UNC13C: variants seen among roughly 807,000 people sequenced by gnomAD.
UNC13C encodes the protein unc-13 homolog C, also known as protein unc-13 homolog C.
In UNC13C, 174 loss-of-function variants were observed where a neutral mutation model predicts 245.4. The observed-to-expected ratio is 0.71, with a 90% CI of 0.63 to 0.80. UNC13C has a LOEUF of 0.80. Among genes scored for constraint, UNC13C ranks in the 30% least tolerant of loss-of-function variants. The pLI is 0.00. For missense variants in UNC13C, 2,829 were observed against 2,602.9 expected, an observed-to-expected ratio of 1.09 and a Z score of -1.89; for synonymous variants, 992 against 895.1, an observed-to-expected ratio of 1.11 and a Z score of -1.93.
intron 2 of UNC13C, among the ~76,000 whole-genome samples, chr15:54,036,072 C>T (rs1896567967): frequency 6.6e-6 from 1 of 152,030 alleles, no homozygotes; most frequent in Non-Finnish European, 1.5e-5. Context: ...AGAGAATGAC[C>T]CCTTCCTTTC....
chr15:54,392,641 G>A (rs368620706), intron 17 of UNC13C, among the ~76,000 whole-genome samples: 11 of 151,310 alleles, frequency 7.3e-5, no homozygotes, highest in Non-Finnish European at 8.9e-5. Flanking sequence ...ATACACACAC[G>A]CACACACAAA....
intron 4 of UNC13C, among the ~76,000 whole-genome samples, chr15:54,226,933 C>G (rs530920283): frequency 6.6e-6 from 1 of 152,132 alleles, no homozygotes; most frequent in African/African-American, 2.4e-5. Context: ...AGGGCAGCAG[C>G]TCTTCTCCTT....
intron 1 of UNC13C, among the ~76,000 whole-genome samples, chr15:53,993,229 T>C (rs958895024): frequency 1.1e-4 from 17 of 152,132 alleles, no homozygotes; most frequent in African/African-American, 4.1e-4. Flanking sequence ...TGAGCTGCAA[T>C]GCATTTGCAA....
intron 30 of UNC13C, among the ~76,000 whole-genome samples, chr15:54,606,448 G>C (rs1456223603): frequency 6.6e-6 from 1 of 152,086 alleles, no homozygotes; most frequent in Non-Finnish European, 1.5e-5. Flanking sequence ...GGTTTCTTAG[G>C]GGAACCTAGG....
intron 2 of UNC13C, among the ~76,000 whole-genome samples, chr15:54,051,565 A>G (rs1315552040): frequency 1.3e-5 from 2 of 152,018 alleles, no homozygotes; most frequent in Non-Finnish European, 2.9e-5. Flanking sequence ...TGCTGATCAG[A>G]TAGCTGTGGT....
chr15:54,616,780 G>T (rs1002538202), intron 30 of UNC13C, among the ~76,000 whole-genome samples: 2 of 152,032 alleles, frequency 1.3e-5, no homozygotes, highest in East Asian at 1.9e-4. Flanking sequence ...TAGAGAGTCT[G>T]CAGGGGGTAC....
chr15:54,261,237 A>G (rs1195372245), intron 8 of UNC13C, among the ~76,000 whole-genome samples: 2 of 152,216 alleles, frequency 1.3e-5, no homozygotes, highest in Non-Finnish European at 2.9e-5. Context: ...AGAAAGACTC[A>G]TGTAAAAGCA....
intron 28 of UNC13C, 138 bp from the exon 29 acceptor site, chr15:54,555,289 CATTTT>C: frequency 1.6e-6 from 1 of 633,096 alleles, no homozygotes; most frequent in Non-Finnish European, 2.8e-6. Flanking sequence ...ATATGACAAT[CATTTT>C]ATTTTAAATG....
chr15:53,972,411 A>T, the UNC13C span, among the ~76,000 whole-genome samples: 3 of 152,228 alleles, frequency 2.0e-5, no homozygotes, highest in African/African-American at 7.2e-5. Flanking sequence ...CATATTAAAT[A>T]AAGTGCTCTA....
chr15:54,275,527 G>T (rs565943192), intron 10 of UNC13C, among the ~76,000 whole-genome samples: 1 of 151,936 alleles, frequency 6.6e-6, no homozygotes, highest in East Asian at 1.9e-4. Context: ...TGTTATTCTA[G>T]TTATTGCTTT....
intron 17 of UNC13C, among the ~76,000 whole-genome samples, chr15:54,378,227 TACA>T (rs907240662): frequency 1.3e-5 from 2 of 152,166 alleles, no homozygotes; most frequent in African/African-American, 4.8e-5. Context: ...TAGTCTTCTG[TACA>T]ACAACCCATC....
intron 4 of UNC13C, among the ~76,000 whole-genome samples, chr15:54,172,693 TAC>T (rs199552567): frequency 3.4e-5 from 3 of 88,496 alleles, no homozygotes; most frequent in East Asian, 3.5e-4. Flanking sequence ...CAAAGTCAAA[TAC>T]ACACACAGAT....
intron 2 of UNC13C, among the ~76,000 whole-genome samples, chr15:54,103,017 G>T (rs181260973): frequency 1.2e-4 from 18 of 152,326 alleles, no homozygotes; most frequent in African/African-American, 4.3e-4. Flanking sequence ...TTTTCTGGAA[G>T]GAAGGTAGAT....
chr15:54,059,560 A>G (rs1427383143), intron 2 of UNC13C, among the ~76,000 whole-genome samples: 1 of 152,222 alleles, frequency 6.6e-6, no homozygotes, highest in Non-Finnish European at 1.5e-5. Flanking sequence ...TACAGATTCA[A>G]TGCCATCCCC....
At chr15:53,885,738 A>G in the UNC13C span, among the ~76,000 whole-genome samples, 1 of 152,182 alleles carries the variant, frequency 6.6e-6, no homozygotes, top group Non-Finnish European at 1.5e-5. Flanking sequence ...CTGCCCCTAC[A>G]AAAGAGAAAA....
intron 24 of UNC13C, chr15:54,512,384 G>A: frequency 2.2e-6 from 1 of 455,850 alleles, no homozygotes; most frequent in Non-Finnish European, 4.4e-6. Flanking sequence ...TGAGGTTTGT[G>A]ATAGTAAGCA....
intron 2 of UNC13C, chr15:54,049,548 G>A (rs1008321462): frequency 1.7e-5 from 5 of 293,598 alleles, no homozygotes; most frequent in South Asian, 1.4e-4. Context: ...AGAATGTTAC[G>A]AACCTGTATG....
the UNC13C span, among the ~76,000 whole-genome samples, chr15:53,859,932 G>T: frequency 1.3e-4 from 20 of 152,144 alleles, no homozygotes; most frequent in Non-Finnish European, 2.4e-4. Flanking sequence ...TTTAGGGTGA[G>T]AAATATCTGC....
rs566160392 is a variant in UNC13C at position 54,114,447 on chromosome 15, A to G, written c.2984-28571A>G. 6.6e-5 allele frequency among the ~76,000 whole-genome samples: 10 copies of G among 152,216 alleles called. No homozygotes were observed. In the South Asian group the frequency reaches 2.1e-3, roughly 32 times the overall value. On this transcript the variant is annotated intron_variant, in intron 2 of 32. Coordinates refer to ENST00000260323, the MANE Select transcript of UNC13C (RefSeq NM_001080534.3). ...TTGTGATTTTAAATTTTTTATACAA[A>G]TGATGCTATACCGGTTGATCTACAA... is the stretch of plus-strand genomic sequence containing the variant.
Sources: gnomAD v4.1 joint callset for allele counts (sites outside exome capture counted in the v4.1 genomes callset) on GRCh38, gnomAD v4.1.1 for gene constraint, MANE v1.5 for transcripts, NCBI Gene and HGNC (gene_info 2026-07-23, HGNC 2026-07-21) for gene names.